GRK7: variants seen among roughly 807,000 people sequenced by gnomAD.
GRK7 encodes the protein rhodopsin kinase GRK7.
A neutral mutation model predicts 34.1 loss-of-function variants in GRK7; 24 were observed. The observed-to-expected ratio is 0.70, with a 90% CI of 0.51 to 0.99. The LOEUF (loss-of-function observed/expected upper bound fraction) is 0.99. Ranked by LOEUF, GRK7 falls within the 50% of genes least tolerant of loss-of-function variation. The pLI is 0.00. For synonymous variants in GRK7, 256 were observed against 279.4 expected, an observed-to-expected ratio of 0.92 and a Z score of 0.84; for missense variants, 644 against 707.3, an observed-to-expected ratio of 0.91 and a Z score of 1.02.
rs1711052158 is a variant in GRK7, at chr3:141,807,820, A to C, written c.1226A>C (p.Gln409Pro). 1.9e-6 allele frequency: 3 copies of C among 1,614,050 alleles called. No individual in the cohort carries two copies. The highest frequency in any genetic ancestry group is 2.5e-6 in the Non-Finnish European group (3 of 1,179,974). The change falls in exon 5 of 6, where the codon CAA (glutamine) becomes CCA (proline). Residue 409 changes from glutamine (Q) to proline (P), a missense_variant. Physicochemically the swap from Gln to Pro is moderately conservative, Grantham distance 76. Coordinates refer to ENST00000682958, the MANE Select transcript of GRK7 (RefSeq NM_139209.3). ...GAGGATCTGAAGCAAAGAACTCTGC[A>C]AGACGAGGTCAAATTCCAGCATGAT... is the stretch of plus-strand genomic sequence containing the variant. ...SKEDLKQRTLQDEVKFQHDNF... is the reference protein window; with the variant it reads ...SKEDLKQRTLPDEVKFQHDNF...
chr3:141,779,176 T>C (rs2084658232), intron 3 of GRK7, among the ~76,000 whole-genome samples: 1 of 152,066 alleles, frequency 6.6e-6, no homozygotes, highest in Non-Finnish European at 1.5e-5. Flanking sequence ...CTTCAGAGAA[T>C]GATAGCAATG....
chr3:141,792,241 A>G (rs906204043), intron 4 of GRK7, among the ~76,000 whole-genome samples: 11 of 151,956 alleles, frequency 7.2e-5, no homozygotes, highest in Non-Finnish European at 1.3e-4. Flanking sequence ...TGTCTCTACT[A>G]AAAATACAAA....
In GRK7 at chr3:141,817,148, G is replaced by T. The variant is rs993493462; in HGVS notation, c.*98G>T. The T allele has an allele frequency of 9.0e-6, 8 of 884,172 alleles. No individual in the cohort carries two copies. Among genetic ancestry groups the T allele is most frequent in the Non-Finnish European group, 1.4e-5 (8 of 579,700 alleles). 54.8% of individuals were successfully genotyped at this position (884,172 alleles called of 1,614,324 possible). A position where few individuals can be genotyped will look rare whatever the true frequency, so the allele number is the denominator to read the frequency against. On this transcript the variant is annotated 3_prime_UTR_variant, in exon 6 of 6. Transcript: ENST00000682958. ...CTGTGGAATGAGGGCTAATCAGTTA[G>T]GAGGGACATCACAACCACAAAACAA...
At chr3:141,754,341 G>C in the GRK7 span, among the ~76,000 whole-genome samples, 1 of 151,796 alleles carries the variant, frequency 6.6e-6, no homozygotes, top group South Asian at 2.1e-4. Flanking sequence ...TTTCAGACAG[G>C]CCTCATATTT....
intron 1 of GRK7, among the ~76,000 whole-genome samples, chr3:141,767,885 A>G (rs1215723677): frequency 6.6e-6 from 1 of 152,162 alleles, no homozygotes; most frequent in Non-Finnish European, 1.5e-5. Context: ...TAAACCCAGC[A>G]TTTAAGTTTT....
intron 1 of GRK7, among the ~76,000 whole-genome samples, chr3:141,773,359 G>A (rs2084625310): frequency 6.6e-6 from 1 of 151,732 alleles, no homozygotes; most frequent in African/African-American, 2.4e-5. Context: ...TGCTGAATTG[G>A]CTGCTCTATA....
At chr3:141,757,123 C>G in the GRK7 span, among the ~76,000 whole-genome samples, 1 of 109,900 alleles carries the variant, frequency 9.1e-6, no homozygotes, top group East Asian at 2.8e-4. Context: ...ACGCTTAGAT[C>G]TTCTTCTTTT....
At chr3:141,776,586 AGG>A (rs2084640438) in intron 2 of GRK7, among the ~76,000 whole-genome samples, 1 of 152,198 alleles carries the variant, frequency 6.6e-6, no homozygotes, top group African/African-American at 2.4e-5. Context: ...TCCACGGCAG[AGG>A]TGATCGTTTC....
chr3:141,777,322 CTTTTT>C lies in GRK7; in HGVS notation c.-113-834_-113-830del, dbSNP rs770173065. Among the ~76,000 whole-genome samples, 9 of 52,872 alleles carry C rather than the reference CTTTTT, an allele frequency of 1.7e-4. 1 individual carries two copies. Among genetic ancestry groups the C allele is most frequent in the Admixed American group, 2.7e-4 (1 of 3,764 alleles). The allele number at this position is 52,872 out of a possible 152,430, so 34.7% of individuals were successfully genotyped here. A position where few individuals can be genotyped will look rare whatever the true frequency, so the allele number is the denominator to read the frequency against. The stretch of plus-strand genomic sequence containing the variant: ...TATGTTTTGGGTGGAGATGGCCCCT[CTTTTT>C]TTTTTTTTTTTTTTTGAGACGGAGT... On this transcript the variant is annotated intron_variant, in intron 2 of 5. Transcript: ENST00000682958.
chr3:141,800,255 G>A (rs1404052496), intron 4 of GRK7, among the ~76,000 whole-genome samples: 1 of 151,970 alleles, frequency 6.6e-6, no homozygotes, highest in Non-Finnish European at 1.5e-5. Context: ...CTCAGGTGGG[G>A]TATGGAGATA....
At chr3:141,783,889 C>A (rs1288238102) in intron 4 of GRK7, among the ~76,000 whole-genome samples, 1 of 152,078 alleles carries the variant, frequency 6.6e-6, no homozygotes, top group Non-Finnish European at 1.5e-5. Flanking sequence ...GTGTTTGCCT[C>A]CTTGGGACAT....
rs116022358 is a variant in GRK7 at position 141,774,478 on chromosome 3, C to G, written c.-214-102C>G. ...AGAAAATGTTTCATTTTAAATAGAC[C>G]TTCAAGAAGTTCATAGCATACATGT... is the stretch of plus-strand genomic sequence containing the variant. On this transcript the variant is annotated intron_variant, in intron 1 of 5. Coordinates refer to ENST00000682958, the MANE Select transcript of GRK7 (RefSeq NM_139209.3). 2.6e-3 allele frequency among the ~76,000 whole-genome samples: 394 copies of G among 152,118 alleles called. 1 individual carries two copies. Among genetic ancestry groups the G allele is most frequent in the African/African-American group, 8.3e-3 (345 of 41,532 alleles).
At chr3:141,811,318 C>CA (rs201184972) in intron 5 of GRK7, among the ~76,000 whole-genome samples, 17 of 149,614 alleles carry the variant, frequency 1.1e-4, no homozygotes, top group Admixed American at 2.7e-4. Flanking sequence ...AACTCTGTCT[C>CA]AAAAAAAAAT....
intron 4 of GRK7, among the ~76,000 whole-genome samples, chr3:141,788,010 T>TAAAC (rs1194439143): frequency 2.4e-4 from 37 of 152,134 alleles, no homozygotes; most frequent in South Asian, 2.1e-4. Flanking sequence ...ACCTTGTCTC[T>TAAAC]AAACAAACAA....
chr3:141,765,984 G>A (rs1293397706), intron 1 of GRK7, among the ~76,000 whole-genome samples: 2 of 152,078 alleles, frequency 1.3e-5, no homozygotes, highest in African/African-American at 4.8e-5. Flanking sequence ...CTTTACCATA[G>A]CGTATATCAA....
chr3:141,776,713 A>G (rs1348825431), intron 2 of GRK7, among the ~76,000 whole-genome samples: 1 of 152,234 alleles, frequency 6.6e-6, no homozygotes, highest in Admixed American at 6.5e-5. Context: ...TGACAGGCAG[A>G]GCAAGGCGAT....
At chr3:141,794,701 A>T (rs2084741013) in intron 4 of GRK7, among the ~76,000 whole-genome samples, 1 of 152,208 alleles carries the variant, frequency 6.6e-6, no homozygotes, top group Non-Finnish European at 1.5e-5. Flanking sequence ...TTTGTAATCC[A>T]GGTAAGAGGT....
At position 141,780,623 on chromosome 3, in the gene GRK7, C is replaced by G. The variant is rs757537760; in HGVS notation, c.862C>G (p.Leu288Val). ...FHIYNVGTRG[L>V]DMSRVIFYSA... The stretch of plus-strand genomic sequence containing the variant: ...CATCTACAACGTGGGCACGCGTGGC[C>G]TGGACATGAGCCGGGTGATCTTTTA... Residue 288 changes from leucine (L) to valine (V), a missense_variant, in exon 4 of 6, where the codon CTG becomes GTG. Physicochemically the swap from Leu to Val is conservative, Grantham distance 32. Transcript: ENST00000682958. The G allele has an allele frequency of 3.7e-6, 6 of 1,614,232 alleles. No homozygotes were observed. In the South Asian group the frequency reaches 5.5e-5, roughly 15 times the overall value.
intron 2 of GRK7, among the ~76,000 whole-genome samples, chr3:141,776,567 T>C (rs1036856551): frequency 2.6e-5 from 4 of 152,160 alleles, no homozygotes; most frequent in Non-Finnish European, 5.9e-5. Flanking sequence ...CCGGTGCAGA[T>C]CGCCCATCTC....
Sources: gnomAD v4.1 joint callset for allele counts (sites outside exome capture counted in the v4.1 genomes callset) on GRCh38, gnomAD v4.1.1 for gene constraint, MANE v1.5 for transcripts, NCBI Gene and HGNC (gene_info 2026-07-23, HGNC 2026-07-21) for gene names.